The following TCF21 variants were observed in gnomAD, a reference collection of about 807,000 sequenced individuals.
TCF21 encodes the protein transcription factor 21, also known as capsulin.
TCF21 carries 3 observed loss-of-function variants against 13.5 expected under a neutral mutation model. The ratio of observed to expected loss-of-function variants is 0.22; its 90% CI spans 0.10 to 0.57. The LOEUF (loss-of-function observed/expected upper bound fraction) is 0.57. TCF21 is among the 20% of genes least tolerant of loss of function. TCF21 has a pLI of 0.92. For synonymous variants in TCF21, 92 were observed against 101.7 expected (o/e 0.90, Z 0.57); for missense variants, 181 against 238.4 (o/e 0.76, Z 1.59).
chr6:133,889,846 T>A lies in TCF21; in HGVS notation c.449T>A (p.Leu150Gln), dbSNP rs769192104. 2 of 1,612,678 alleles carry A rather than the reference T, an allele frequency of 1.2e-6. No homozygotes were observed. Among genetic ancestry groups the A allele is most frequent in the Non-Finnish European group, 1.7e-6 (2 of 1,179,748 alleles). ...YENGYIHPVNLTWPFMVAGKP... is the reference protein window; with the variant it reads ...YENGYIHPVNQTWPFMVAGKP... ...AACGGGTACATTCACCCGGTCAACC[T>A]GGTGAGTGCTCCCGGGGCTGCAGCT... is the stretch of plus-strand genomic sequence containing the variant. The change falls in exon 1 of 2, where the codon CTG becomes CAG. Residue 150 changes from leucine to glutamine, a missense_variant and splice_region_variant. Transcript: ENST00000367882. The surrounding 1 kb of genome is among the most constrained non-coding windows in gnomAD (Gnocchi z 5.1).
rs1775161705 is a variant in TCF21, at chr6:133,889,251, CA to C, written c.-145del. ...AGGGTTGTGAGACCCAACCAGACCC[CA>C]ACTCCAGCTCCCAGCAGGAGGTGGC... is the stretch of plus-strand genomic sequence containing the variant. On this transcript the variant is annotated 5_prime_UTR_variant, in exon 1 of 2. Transcript: ENST00000367882. The surrounding 1 kb of genome is among the most constrained non-coding windows in gnomAD (Gnocchi z 5.1). 2 of 1,045,460 alleles carry C rather than the reference CA, an allele frequency of 1.9e-6. No homozygotes were observed. The highest frequency in any genetic ancestry group is 4.8e-5 in the East Asian group (2 of 41,252). The allele number at this position is 1,045,460 out of a possible 1,614,324, so 64.8% of individuals were successfully genotyped here. A position where few individuals can be genotyped will look rare whatever the true frequency, so the allele number is the denominator to read the frequency against.
chr6:133,892,901 A>G (rs1775244684), downstream of TCF21: 2 of 152,168 alleles, frequency 1.3e-5, no homozygotes, highest in Admixed American at 6.5e-5. Flanking sequence ...AACAGCTCCT[A>G]AGGGAAGATT....
At chr6:133,895,261 G>A (rs1775283693), downstream of TCF21, 1 of 152,194 alleles carries the variant, frequency 6.6e-6, no homozygotes, top group Non-Finnish European at 1.5e-5. Flanking sequence ...CCTGAGTCCA[G>A]GAGTCTGAAG....
intron 1 of TCF21, 46 bp from the exon 2 acceptor site, chr6:133,891,667 C>T: frequency 6.3e-7 from 1 of 1,598,886 alleles, no homozygotes; most frequent in East Asian, 2.3e-5. Flanking sequence ...CACCCCACCC[C>T]CTCCGCCACG....
downstream of TCF21, chr6:133,894,775 C>G (rs150164514): frequency 6.6e-6 from 1 of 152,308 alleles, no homozygotes; most frequent in Non-Finnish European, 1.5e-5. Flanking sequence ...TGGCCTCAAG[C>G]CAGTATAGTT....
intron 1 of TCF21, among the ~76,000 whole-genome samples, chr6:133,891,310 G>C (rs1312167883): frequency 6.6e-6 from 1 of 152,216 alleles, no homozygotes; most frequent in Non-Finnish European, 1.5e-5. Context: ...CCCCGAACTC[G>C]GTGCCCAGTA....
rs1249012176 is a variant in TCF21, at chr6:133,889,924, G to A, written c.450+77G>A. 2 of 1,524,320 alleles carry A rather than the reference G, an allele frequency of 1.3e-6. No homozygotes were observed. The highest frequency in any genetic ancestry group is 2.3e-5 in the South Asian group (2 of 88,510). The allele number at this position is 1,524,320 out of a possible 1,614,324, so 94.4% of individuals were successfully genotyped here. On this transcript the variant is annotated intron_variant, in intron 1 of 1. Transcript: ENST00000367882. This position sits in a 1 kb window ranked among gnomAD's most constrained non-coding sequence, Gnocchi z 5.1. Reference sequence around the variant, plus strand: ...CTGCGGTGGGCGCGAGTGCGCGCGGGGCTGGGAGTGGGGGTGTGGGCGCGG... The same window carrying A: ...CTGCGGTGGGCGCGAGTGCGCGCGGAGCTGGGAGTGGGGGTGTGGGCGCGG...
Position 133,889,382 on chromosome 6 carries a change from G to C in TCF21, c.-16G>C. 6.3e-7 allele frequency: 1 copy of C among 1,593,406 alleles called. No individual in the cohort carries two copies. The highest frequency in any genetic ancestry group is 1.1e-5 in the South Asian group (1 of 90,678). Reference sequence around the variant, plus strand: ...CTGTCTCTCTCTCTCTCTCTCCCTCGTCCACTCCCCCAAACATGTCCACCG... The same window carrying C: ...CTGTCTCTCTCTCTCTCTCTCCCTCCTCCACTCCCCCAAACATGTCCACCG... On this transcript the variant is annotated 5_prime_UTR_variant, in exon 1 of 2. Transcript: ENST00000367882. This position sits in a 1 kb window ranked among gnomAD's most constrained non-coding sequence, Gnocchi z 5.1.
chr6:133,894,125 C>T (rs1170988154), downstream of TCF21: 4 of 152,170 alleles, frequency 2.6e-5, no homozygotes, highest in Admixed American at 1.3e-4. Context: ...TAGACCCAAA[C>T]TGAAAGTGTC....
chr6:133,890,610 T>C (rs1426415540), intron 1 of TCF21, among the ~76,000 whole-genome samples: 1 of 152,228 alleles, frequency 6.6e-6, no homozygotes, highest in African/African-American at 2.4e-5. Context: ...TTGAGTCTAC[T>C]TTTTTCTCAA....
chr6:133,895,249 A>C (rs761418590), downstream of TCF21: 4 of 152,194 alleles, frequency 2.6e-5, no homozygotes, highest in Non-Finnish European at 4.4e-5. Flanking sequence ...CCCTCCAGAG[A>C]TCCTGAGTCC....
intron 1 of TCF21, among the ~76,000 whole-genome samples, chr6:133,890,900 A>C (rs1011095062): frequency 6.6e-6 from 1 of 152,208 alleles, no homozygotes; most frequent in African/African-American, 2.4e-5. Flanking sequence ...TTTTCTCTCC[A>C]ATTGAAAGTT....
At chr6:133,894,715 C>T (rs936269620), downstream of TCF21, 1 of 152,474 alleles carries the variant, frequency 6.6e-6, no homozygotes, top group Non-Finnish European at 1.5e-5. Context: ...TGGTGTGTCT[C>T]AATATGAATA....
At chr6:133,890,841 G>C (rs1445792960) in intron 1 of TCF21, among the ~76,000 whole-genome samples, 1 of 152,144 alleles carries the variant, frequency 6.6e-6, no homozygotes, top group Non-Finnish European at 1.5e-5. Context: ...ATTGGTTTCT[G>C]GAATTGCTGG....
At position 133,891,937 on chromosome 6, in the gene TCF21, A is replaced by T; in HGVS notation, c.*135A>T. ...TCTCTCTGTCCCACCCCGCGAGAAC[A>T]CTTTACAACGACGAGGAGATTCGTT... On this transcript the variant is annotated 3_prime_UTR_variant, in exon 2 of 2. Transcript: ENST00000367882. 1 of 831,276 alleles carries T rather than the reference A, an allele frequency of 1.2e-6. No homozygotes were observed. Among genetic ancestry groups the T allele is most frequent in the Non-Finnish European group, 1.9e-6 (1 of 534,550 alleles). The allele number at this position is 831,276 out of a possible 1,614,324, so 51.5% of individuals were successfully genotyped here. A position where few individuals can be genotyped will look rare whatever the true frequency, so the allele number is the denominator to read the frequency against.
At chr6:133,890,661 A>G (rs1775200363) in intron 1 of TCF21, among the ~76,000 whole-genome samples, 2 of 152,126 alleles carry the variant, frequency 1.3e-5, no homozygotes, top group South Asian at 4.1e-4. Context: ...AATTTTTTTC[A>G]TTTGATTTTA....
intron 1 of TCF21, among the ~76,000 whole-genome samples, chr6:133,890,928 A>G (rs1394466377): frequency 6.6e-6 from 1 of 152,194 alleles, no homozygotes; most frequent in Admixed American, 6.5e-5. Context: ...TTTCCCCCCC[A>G]ATGAGTAAAT....
At chr6:133,893,313 C>T (rs1399117531), downstream of TCF21, 1 of 152,392 alleles carries the variant, frequency 6.6e-6, no homozygotes, top group Non-Finnish European at 1.5e-5. Context: ...GCAATAGTGA[C>T]CTCATTACCA....
rs553347368 is a variant in TCF21, at chr6:133,891,969, C to G, written c.*167C>G. On this transcript the variant is annotated 3_prime_UTR_variant, in exon 2 of 2. Coordinates refer to ENST00000367882, the MANE Select transcript of TCF21 (RefSeq NM_003206.4). ...AACGACGAGGAGATTCGTTTCCAAA[C>G]CAGAGGAGATCAATTGTACTTACAA... is the stretch of plus-strand genomic sequence containing the variant. 1 of 645,804 alleles carries G rather than the reference C, an allele frequency of 1.5e-6. No individual in the cohort carries two copies. Among genetic ancestry groups the G allele is most frequent in the Non-Finnish European group, 2.6e-6 (1 of 378,338 alleles). The allele number at this position is 645,804 out of a possible 1,614,324, so 40.0% of individuals were successfully genotyped here. A position where few individuals can be genotyped will look rare whatever the true frequency, so the allele number is the denominator to read the frequency against.
Sources: allele counts gnomAD v4.1 joint callset (sites outside exome capture counted in the v4.1 genomes callset), GRCh38; gene constraint gnomAD v4.1.1; non-coding constraint Gnocchi (gnomAD v3.1); transcripts MANE v1.5; gene names NCBI Gene and HGNC (gene_info 2026-07-23, HGNC 2026-07-21).